Variants in HMGN2 observed in about 807,000 individuals in gnomAD.
HMGN2 encodes non-histone chromosomal protein HMG-17.
In HMGN2, 2 loss-of-function variants were observed where a neutral mutation model predicts 16.9. The observed-to-expected ratio is 0.12, with a 90% CI of 0.05 to 0.37. HMGN2 has a LOEUF of 0.37. Ranked by LOEUF, HMGN2 falls within the 10% of genes least tolerant of loss-of-function variation. The probability of loss-of-function intolerance (pLI) is 1.00; values close to 1 mark genes in which losing one functional copy is unlikely to be tolerated. For synonymous variants in HMGN2, 31 were observed against 34.9 expected (o/e 0.89, Z 0.39); for missense variants, 90 against 106.0 (o/e 0.85, Z 0.66).
rs2075610236 is a variant in HMGN2 at position 26,476,582 on chromosome 1, G to T, written c.*1434G>T. On this transcript the variant is annotated 3_prime_UTR_variant, in exon 6 of 6. Coordinates refer to ENST00000361427, the MANE Select transcript of HMGN2 (RefSeq NM_005517.4). ...GGTAACAAATTCATGTTTGCACCTT[G>T]AATTTGCTTTCACAGACCTGGCTGT... Among the ~76,000 whole-genome samples, 1 of 152,190 alleles carries T rather than the reference G, an allele frequency of 6.6e-6. No individual in the cohort carries two copies. The highest frequency in any genetic ancestry group is 1.5e-5 in the Non-Finnish European group (1 of 68,024).
Position 26,472,592 on chromosome 1 carries a change from G to A in HMGN2, c.-21G>A, listed in dbSNP as rs1239287966. 6 of 1,535,034 alleles carry A rather than the reference G, an allele frequency of 3.9e-6. No homozygotes were observed. The highest frequency in any genetic ancestry group is 1.9e-5 in the Admixed American group (1 of 51,286). The stretch of plus-strand genomic sequence containing the variant: ...ATCCCGCGTCCAGCACCTACGTCCC[G>A]CTGCCGTCGCCGCCGCCACCATGCC... On this transcript the variant is annotated 5_prime_UTR_variant, in exon 1 of 6. Coordinates refer to ENST00000361427, the MANE Select transcript of HMGN2 (RefSeq NM_005517.4).
chr1:26,474,426 C>T (rs2075595005), intron 4 of HMGN2, 146 bp from the exon 5 acceptor site: 1 of 623,734 alleles, frequency 1.6e-6, no homozygotes, highest in Non-Finnish European at 2.9e-6. Flanking sequence ...ATAATTTAGC[C>T]TAGTTTTGAT....
Position 26,473,717 on chromosome 1 carries a change from C to T in HMGN2, c.75C>T (p.Ser25=), listed in dbSNP as rs775840624. Residue 25 remains serine, a synonymous_variant, in exon 3 of 6, where the codon TCC becomes TCT. Coordinates refer to ENST00000361427, the MANE Select transcript of HMGN2 (RefSeq NM_005517.4). Reference sequence around the variant, plus strand: ...GTCTTTAATAGCCACAGAGAAGATCCGCGAGGTTGTCTGCTGTAAGTGTAT... The same window carrying T: ...GTCTTTAATAGCCACAGAGAAGATCTGCGAGGTTGTCTGCTGTAAGTGTAT... The part of the protein sequence containing the change: ...AKVKDEPQRR[S]ARLSAKPAPP... 9.9e-6 allele frequency: 16 copies of T among 1,613,856 alleles called. No homozygotes were observed. The Admixed American group carries it at 2.7e-4, about 27-fold the overall frequency.
chr1:26,473,088 C>T, intron 1 of HMGN2: 2 of 253,724 alleles, frequency 7.9e-6, no homozygotes, highest in Non-Finnish European at 1.5e-5. Context: ...CCACGTTCCC[C>T]GCGCACGAGA....
intron 3 of HMGN2, 164 bp downstream of exon 3, chr1:26,473,896 G>T: frequency 2.5e-6 from 2 of 805,182 alleles, no homozygotes; most frequent in Non-Finnish European, 2.0e-6. Context: ...AAATTCTGAT[G>T]CCTGTAGCCA....
intron 3 of HMGN2, 43 bp downstream of exon 3, chr1:26,473,775 A>T: frequency 6.5e-7 from 1 of 1,533,810 alleles, no homozygotes; most frequent in East Asian, 2.2e-5. Context: ...CCCTGAAACT[A>T]AAAAACATCA....
At chr1:26,473,375 A>G in intron 1 of HMGN2, 108 bp from the exon 2 acceptor site, 1 of 797,866 alleles carries the variant, frequency 1.3e-6, no homozygotes. Context: ...ATGTCCTAGA[A>G]AAGTTGTGTG....
intron 3 of HMGN2, 129 bp from the exon 4 acceptor site, chr1:26,473,956 G>T (rs2075592149): frequency 1.2e-6 from 1 of 845,482 alleles, no homozygotes; most frequent in Non-Finnish European, 1.9e-6. Flanking sequence ...CTAGAAGAAA[G>T]CCAACCACAA....
intron 1 of HMGN2, chr1:26,473,222 G>T: frequency 2.0e-6 from 1 of 504,490 alleles, no homozygotes; most frequent in Non-Finnish European, 3.5e-6. Flanking sequence ...GCCATCTGCA[G>T]CTGTTGCTCC....
intron 3 of HMGN2, 43 bp downstream of exon 3, chr1:26,473,775 A>G: frequency 2.0e-6 from 3 of 1,533,810 alleles, no homozygotes; most frequent in Non-Finnish European, 2.7e-6. Context: ...CCCTGAAACT[A>G]AAAAACATCA....
chr1:26,474,205 G>C (rs1308932824), intron 4 of HMGN2, 70 bp downstream of exon 4: 1 of 1,097,706 alleles, frequency 9.1e-7, no homozygotes, highest in African/African-American at 1.6e-5. Context: ...AACTTAATTA[G>C]CATAATGGTG....
chr1:26,472,750 G>T, intron 1 of HMGN2, 123 bp downstream of exon 1: 1 of 861,884 alleles, frequency 1.2e-6, no homozygotes. Context: ...CCGCGCGGGG[G>T]CTGGAGACGG....
In HMGN2 at chr1:26,475,713, G is replaced by A. The variant is rs986214653; in HGVS notation, c.*565G>A. The A allele has an allele frequency of 3.3e-6, 1 of 304,006 alleles. No individual in the cohort carries two copies. Among genetic ancestry groups the A allele is most frequent in the Non-Finnish European group, 6.5e-6 (1 of 153,986 alleles). The allele number at this position is 304,006 out of a possible 1,614,324, so 18.8% of individuals were successfully genotyped here. Reference sequence around the variant, plus strand: ...TTTTCATTTCACTTCCTGAAAGTCAGGGTCGGCTTGTGAAAAGTTGTTAAA... The same window carrying A: ...TTTTCATTTCACTTCCTGAAAGTCAAGGTCGGCTTGTGAAAAGTTGTTAAA... On this transcript the variant is annotated 3_prime_UTR_variant, in exon 6 of 6. Transcript: ENST00000361427.
chr1:26,472,916 C>G (rs917538209), intron 1 of HMGN2, among the ~76,000 whole-genome samples: 1 of 151,894 alleles, frequency 6.6e-6, no homozygotes, highest in Non-Finnish European at 1.5e-5. Flanking sequence ...GCCCCCTCCC[C>G]CATCGCGAGG....
At chr1:26,473,394 C>A in intron 1 of HMGN2, 89 bp from the exon 2 acceptor site, 1 of 961,902 alleles carries the variant, frequency 1.0e-6, no homozygotes. Context: ...TGGACGACTG[C>A]TTTAATTTTC....
rs1557462822 is a variant in HMGN2 at position 26,476,419 on chromosome 1, T to C, written c.*1271T>C. Among the ~76,000 whole-genome samples the C allele has an allele frequency of 6.6e-6, 1 of 152,194 alleles. No individual in the cohort carries two copies. The highest frequency in any genetic ancestry group is 1.5e-5 in the Non-Finnish European group (1 of 68,030). On this transcript the variant is annotated 3_prime_UTR_variant, in exon 6 of 6. Transcript: ENST00000361427. ...TGTACACAGTTGTCCATTTGTAAGG[T>C]AGATGACACTTTGCTCCTAAGTAGA...
Position 26,475,158 on chromosome 1 carries a change from A to G in HMGN2, c.*10A>G, listed in dbSNP as rs1044066319. ...TGGAGATGCCAAGTGAAGTGTGTGC[A>G]TTTTTGATAACTGTGTACTTCTGGT... On this transcript the variant is annotated 3_prime_UTR_variant, in exon 6 of 6. Coordinates refer to ENST00000361427, the MANE Select transcript of HMGN2 (RefSeq NM_005517.4). The G allele has an allele frequency of 6.3e-7, 1 of 1,578,392 alleles. No individual in the cohort carries two copies. The highest frequency in any genetic ancestry group is 1.3e-5 in the African/African-American group (1 of 74,198).
Position 26,473,612 on chromosome 1 carries a change from A to G in HMGN2, c.60+85A>G. On this transcript the variant is annotated intron_variant, in intron 2 of 5. Coordinates refer to ENST00000361427, the MANE Select transcript of HMGN2 (RefSeq NM_005517.4). ...TGATTAACCGTAACCTGTGTCCTGA[A>G]TTTACACTCCTATAATCTAGAGCAA... The G allele has an allele frequency of 2.6e-6, 4 of 1,552,582 alleles. No individual in the cohort carries two copies. In the South Asian group the frequency reaches 4.5e-5, roughly 17 times the overall value.
rs190478482 is a variant in HMGN2 at position 26,476,091 on chromosome 1, T to G, written c.*943T>G. The stretch of plus-strand genomic sequence containing the variant: ...AGTCTAATGATGATCTTTCACTGAT[T>G]TATAGTCAGCTTCCAAAACACACAG... On this transcript the variant is annotated 3_prime_UTR_variant, in exon 6 of 6. Transcript: ENST00000361427. The G allele has an allele frequency of 3.7e-4, 60 of 162,252 alleles. 1 individual carries two copies. Among genetic ancestry groups the G allele is most frequent in the South Asian group, 2.3e-3 (15 of 6,396 alleles). 10.1% of individuals were successfully genotyped at this position (162,252 alleles called of 1,614,324 possible).
Sources: allele counts gnomAD v4.1 joint callset (sites outside exome capture counted in the v4.1 genomes callset), GRCh38; gene constraint gnomAD v4.1.1; transcripts MANE v1.5; gene names NCBI Gene and HGNC (gene_info 2026-07-23, HGNC 2026-07-21).